EPB41L4A: variants seen among roughly 807,000 people sequenced by gnomAD.
EPB41L4A encodes band 4.1-like protein 4A.
In EPB41L4A, 100 loss-of-function variants were observed where a neutral mutation model predicts 108.6. The observed-to-expected ratio is 0.92, with a 90% CI of 0.78 to 1.09. The LOEUF (loss-of-function observed/expected upper bound fraction) is 1.09, where lower values mean the gene tolerates loss of function less well. Among genes scored for constraint, EPB41L4A ranks in the 50% least tolerant of loss-of-function variants. The pLI is 0.00. For missense variants in EPB41L4A, 1,030 were observed against 842.7 expected (o/e 1.22, Z -2.75); for synonymous variants, 319 against 289.0 (o/e 1.10, Z -1.05).
At chr5:112,337,429 C>T (rs1237682434) in intron 1 of EPB41L4A, among the ~76,000 whole-genome samples, 2 of 152,188 alleles carry the variant, frequency 1.3e-5, no homozygotes, top group Non-Finnish European at 2.9e-5. Context: ...CTAATAATTG[C>T]TAACATTTAT....
At chr5:112,333,993 C>T (rs1203755991) in intron 1 of EPB41L4A, among the ~76,000 whole-genome samples, 2 of 152,038 alleles carry the variant, frequency 1.3e-5, no homozygotes, top group African/African-American at 4.8e-5. Context: ...CCAAGGGGAC[C>T]CAGTGAAACC....
chr5:112,204,055 T>C (rs567034975), intron 15 of EPB41L4A, among the ~76,000 whole-genome samples: 74 of 151,230 alleles, frequency 4.9e-4, no homozygotes, highest in Non-Finnish European at 8.3e-4. Context: ...AAAAAAGATA[T>C]ACTGTCTCTA....
At chr5:112,412,039 A>C (rs923895757) in intron 1 of EPB41L4A, among the ~76,000 whole-genome samples, 5 of 152,136 alleles carry the variant, frequency 3.3e-5, no homozygotes, top group Admixed American at 2.6e-4. Context: ...AGGACTCCAC[A>C]TTACTAAATG....
chr5:112,405,736 A>G (rs1003361267), intron 1 of EPB41L4A, among the ~76,000 whole-genome samples: 1 of 152,244 alleles, frequency 6.6e-6, no homozygotes, highest in African/African-American at 2.4e-5. Flanking sequence ...ACCTTGGCAC[A>G]TAAGAAACAA....
intron 8 of EPB41L4A, among the ~76,000 whole-genome samples, 153 bp from the exon 9 acceptor site, chr5:112,259,445 T>C (rs1265878383): frequency 1.3e-5 from 2 of 152,334 alleles, no homozygotes; most frequent in South Asian, 2.1e-4. Context: ...GATTTCCCCA[T>C]ACACTCTAAT....
chr5:112,262,648 T>A, intron 6 of EPB41L4A, 67 bp from the exon 7 acceptor site: 1 of 1,240,720 alleles, frequency 8.1e-7, no homozygotes, highest in Non-Finnish European at 1.2e-6. Flanking sequence ...GGATGCAAAC[T>A]ATCTTCATTG....
At chr5:112,333,468 T>A (rs1341525829) in intron 1 of EPB41L4A, among the ~76,000 whole-genome samples, 2 of 152,178 alleles carry the variant, frequency 1.3e-5, no homozygotes, top group Non-Finnish European at 2.9e-5. Flanking sequence ...GGAGTGTGTG[T>A]GAATATTAAG....
At chr5:112,353,562 G>A (rs1449031320) in intron 1 of EPB41L4A, among the ~76,000 whole-genome samples, 2 of 152,080 alleles carry the variant, frequency 1.3e-5, no homozygotes, top group Non-Finnish European at 2.9e-5. Context: ...GGCTCGGTGG[G>A]CCCATTTTCA....
At chr5:112,176,105 C>G (rs10900676) in intron 18 of EPB41L4A, among the ~76,000 whole-genome samples, 3,946 of 152,162 alleles carry the variant, frequency 0.026, 194 homozygotes, top group Admixed American at 0.12. Context: ...TAACTAAGAC[C>G]TGGGGGAACT....
chr5:112,230,383 C>T (rs1748803581), intron 12 of EPB41L4A, among the ~76,000 whole-genome samples: 1 of 148,392 alleles, frequency 6.7e-6, no homozygotes, highest in African/African-American at 2.4e-5. Context: ...ATATCCACAC[C>T]AACATCTATT....
At chr5:112,278,016 T>G (rs1345291050) in intron 3 of EPB41L4A, among the ~76,000 whole-genome samples, 1 of 152,204 alleles carries the variant, frequency 6.6e-6, no homozygotes, top group Non-Finnish European at 1.5e-5. Flanking sequence ...TTTGAGGTCT[T>G]TGATAAGGAG....
downstream of EPB41L4A, among the ~76,000 whole-genome samples, chr5:112,142,194 T>C (rs749998535): frequency 3.3e-5 from 5 of 152,214 alleles, no homozygotes; most frequent in South Asian, 1.0e-3. Context: ...AATAGCCACT[T>C]ACCACTACTC....
At chr5:112,355,981 T>C (rs923438106) in intron 1 of EPB41L4A, among the ~76,000 whole-genome samples, 3 of 152,150 alleles carry the variant, frequency 2.0e-5, no homozygotes, top group Non-Finnish European at 4.4e-5. Flanking sequence ...CCTCTTATGG[T>C]TATTTTGCAG....
At chr5:112,271,840 T>TA (rs1306273022) in intron 4 of EPB41L4A, among the ~76,000 whole-genome samples, 2 of 152,316 alleles carry the variant, frequency 1.3e-5, no homozygotes, top group East Asian at 3.9e-4. Context: ...CTTTCCTACC[T>TA]AAAAGTGCTT....
At chr5:112,394,039 G>A (rs869062293) in intron 1 of EPB41L4A, among the ~76,000 whole-genome samples, 3 of 152,186 alleles carry the variant, frequency 2.0e-5, no homozygotes, top group Non-Finnish European at 2.9e-5. Flanking sequence ...AAATTCAACA[G>A]CCCTTCATGC....
At chr5:112,205,695 G>C (rs1339161961) in intron 13 of EPB41L4A, among the ~76,000 whole-genome samples, 191 bp from the exon 14 acceptor site, 1 of 152,056 alleles carries the variant, frequency 6.6e-6, no homozygotes, top group East Asian at 1.9e-4. Flanking sequence ...AGTACCTTTG[G>C]GTCTTTCCCC....
At chr5:112,416,122 AT>A (rs1344676530) in intron 1 of EPB41L4A, among the ~76,000 whole-genome samples, 2 of 151,730 alleles carry the variant, frequency 1.3e-5, no homozygotes, top group East Asian at 1.9e-4. Context: ...TGACACATTA[AT>A]TTTTTTTCTA....
At chr5:112,350,862 C>CA (rs144631873) in intron 1 of EPB41L4A, among the ~76,000 whole-genome samples, 3,850 of 152,296 alleles carry the variant, frequency 0.025, 144 homozygotes, top group African/African-American at 0.087. Flanking sequence ...TTTCTCTATC[C>CA]ATTCATCCAT....
chr5:112,356,072 C>T (rs894282899), intron 1 of EPB41L4A, among the ~76,000 whole-genome samples: 7 of 152,040 alleles, frequency 4.6e-5, no homozygotes, highest in Non-Finnish European at 1.0e-4. Flanking sequence ...TGAGAGATAA[C>T]TTATGTTAAA....
Sources: gnomAD v4.1 joint callset for allele counts (sites outside exome capture counted in the v4.1 genomes callset) on GRCh38, gnomAD v4.1.1 for gene constraint, MANE v1.5 for transcripts, NCBI Gene and HGNC (gene_info 2026-07-23, HGNC 2026-07-21) for gene names.